Variants in PDZRN3 observed in about 807,000 individuals in gnomAD.
PDZRN3 encodes E3 ubiquitin-protein ligase PDZRN3.
Under a neutral mutation model 85.7 loss-of-function variants are expected in PDZRN3, and 38 were observed. The observed-to-expected ratio is 0.44, with a 90% CI of 0.34 to 0.58. The LOEUF (loss-of-function observed/expected upper bound fraction) is 0.58, where lower values mean the gene tolerates loss of function less well. Among genes scored for constraint, PDZRN3 ranks in the 20% least tolerant of loss-of-function variants. PDZRN3 has a pLI of 0.01. For missense variants in PDZRN3, 1,629 were observed against 1,506.4 expected (o/e 1.08, Z -1.35); for synonymous variants, 759 against 638.0 (o/e 1.19, Z -2.86).
intron 1 of PDZRN3, among the ~76,000 whole-genome samples, chr3:73,620,579 T>TCG (rs1702841776): frequency 1.2e-5 from 1 of 83,330 alleles, no homozygotes; most frequent in Admixed American, 1.4e-4. Context: ...TGGGTTTTTT[T>TCG]TGTTTTTTTT....
intron 2 of PDZRN3, among the ~76,000 whole-genome samples, chr3:73,604,612 G>A (rs1486428118): frequency 6.6e-6 from 1 of 152,136 alleles, no homozygotes; most frequent in Non-Finnish European, 1.5e-5. Flanking sequence ...TGAACTTGAA[G>A]AGTCTCAATG....
At chr3:73,558,079 T>C (rs1241499010) in intron 3 of PDZRN3, among the ~76,000 whole-genome samples, 10 of 152,258 alleles carry the variant, frequency 6.6e-5, no homozygotes, top group Admixed American at 3.9e-4. Flanking sequence ...ATATATGTTT[T>C]TTTTCTTTAG....
chr3:73,541,486 T>A (rs1268153488), intron 3 of PDZRN3, among the ~76,000 whole-genome samples: 1 of 152,178 alleles, frequency 6.6e-6, no homozygotes, highest in African/African-American at 2.4e-5. Context: ...TAGAGAGAGG[T>A]TAAGTAACCT....
chr3:73,538,560 T>C (rs747084970), intron 3 of PDZRN3, among the ~76,000 whole-genome samples: 4 of 152,238 alleles, frequency 2.6e-5, no homozygotes, highest in Admixed American at 6.5e-5. Context: ...ATTTTAATAA[T>C]GTATTTATTA....
At chr3:73,516,264 T>G (rs1181648451) in intron 3 of PDZRN3, among the ~76,000 whole-genome samples, 2 of 152,214 alleles carry the variant, frequency 1.3e-5, no homozygotes, top group Non-Finnish European at 2.9e-5. Context: ...ATTATGGAAT[T>G]TATAAGCCAG....
intron 3 of PDZRN3, among the ~76,000 whole-genome samples, chr3:73,494,658 G>T (rs1312375299): frequency 2.0e-5 from 3 of 152,124 alleles, no homozygotes; most frequent in Non-Finnish European, 4.4e-5. Flanking sequence ...GTTGGTTCTG[G>T]ATATAATTCT....
intron 3 of PDZRN3, among the ~76,000 whole-genome samples, chr3:73,434,845 C>A (rs1702501331): frequency 1.3e-5 from 2 of 152,198 alleles, no homozygotes; most frequent in Admixed American, 1.3e-4. Context: ...GTTCTTGCTG[C>A]CTTGCTTCTC....
At chr3:73,450,289 G>C (rs1479749200) in intron 3 of PDZRN3, among the ~76,000 whole-genome samples, 1 of 152,128 alleles carries the variant, frequency 6.6e-6, no homozygotes, top group Non-Finnish European at 1.5e-5. Context: ...TTACCCTATA[G>C]AGCGTACTAA....
chr3:73,385,592 A>G (rs1701359915), intron 9 of PDZRN3, 77 bp downstream of exon 9: 2 of 867,760 alleles, frequency 2.3e-6, no homozygotes, highest in Non-Finnish European at 1.9e-6. Flanking sequence ...CTTTAGCACC[A>G]TAAAGGGAGA....
At chr3:73,386,491 G>A (rs1701390306) in intron 8 of PDZRN3, among the ~76,000 whole-genome samples, 1 of 152,134 alleles carries the variant, frequency 6.6e-6, no homozygotes. Flanking sequence ...ACTGAGCCTG[G>A]CTGGATATCA....
At chr3:73,540,177 C>A (rs12637134) in intron 3 of PDZRN3, among the ~76,000 whole-genome samples, 1 of 149,444 alleles carries the variant, frequency 6.7e-6, no homozygotes, top group South Asian at 2.1e-4. Flanking sequence ...TAAAAAAATT[C>A]TCATAAAATA....
intron 3 of PDZRN3, among the ~76,000 whole-genome samples, chr3:73,526,776 T>C (rs1009027754): frequency 5.9e-5 from 9 of 152,070 alleles, no homozygotes; most frequent in Admixed American, 1.3e-4. Context: ...CAACCTCCAC[T>C]GCCTGGGCTC....
intron 3 of PDZRN3, among the ~76,000 whole-genome samples, chr3:73,491,202 GT>G (rs1451398699): frequency 6.6e-6 from 1 of 152,196 alleles, no homozygotes; most frequent in African/African-American, 2.4e-5. Context: ...TCTCTCTGGG[GT>G]GCTTAGGAAG....
intron 3 of PDZRN3, among the ~76,000 whole-genome samples, chr3:73,553,839 G>A (rs1701625045): frequency 6.6e-6 from 1 of 152,198 alleles, no homozygotes; most frequent in African/African-American, 2.4e-5. Flanking sequence ...AGGTGAGGAA[G>A]GCATGGACAG....
At chr3:73,441,509 C>T (rs752507324) in intron 3 of PDZRN3, among the ~76,000 whole-genome samples, 26 of 150,680 alleles carry the variant, frequency 1.7e-4, no homozygotes, top group African/African-American at 4.6e-4. Flanking sequence ...CATAATTTGA[C>T]GACAAAACAA....
chr3:73,513,924 T>TAC (rs1331982327), intron 3 of PDZRN3, among the ~76,000 whole-genome samples: 2 of 152,200 alleles, frequency 1.3e-5, no homozygotes, highest in Non-Finnish European at 2.9e-5. Context: ...ATACAAGGTT[T>TAC]CTATGTCCTT....
In PDZRN3 at chr3:73,384,184, A is replaced by G. The variant is rs1180452581; in HGVS notation, c.2382T>C (p.Ala794=). 6.2e-7 allele frequency: 1 copy of G among 1,613,926 alleles called. No homozygotes were observed. Among genetic ancestry groups the G allele is most frequent in the Non-Finnish European group, 8.5e-7 (1 of 1,180,046 alleles). The stretch of plus-strand genomic sequence containing the variant: ...GCCCGTAGGCTTCCGTGGTCCCCAC[A>G]GCCCCTTCGCTGCTCGGGCAGCTGA... ...EGISCPSSEG[A]VGTTEAYGPA... is the part of the protein sequence containing the mutation. Residue 794 remains alanine, a synonymous_variant, in exon 10 of 10, where the codon GCT becomes GCC. Transcript: ENST00000263666.
intron 3 of PDZRN3, among the ~76,000 whole-genome samples, chr3:73,457,010 CA>C (rs943663155): frequency 4.0e-5 from 6 of 151,820 alleles, no homozygotes; most frequent in Non-Finnish European, 8.8e-5. Context: ...TATGTTAAAA[CA>C]AAATGCTTAC....
At chr3:73,522,751 T>C (rs1447396191) in intron 3 of PDZRN3, among the ~76,000 whole-genome samples, 1 of 152,120 alleles carries the variant, frequency 6.6e-6, no homozygotes, top group Non-Finnish European at 1.5e-5. Context: ...GAAGAGATAT[T>C]TGAAAGAGAG....
Sources: allele counts gnomAD v4.1 joint callset (sites outside exome capture counted in the v4.1 genomes callset), GRCh38; gene constraint gnomAD v4.1.1; transcripts MANE v1.5; gene names NCBI Gene and HGNC (gene_info 2026-07-23, HGNC 2026-07-21).